GALNT17: variants seen among roughly 807,000 people sequenced by gnomAD.
GALNT17 encodes UDP-GalNAc:polypeptide N-acetylgalactosaminyltransferase-like 3.
GALNT17 carries 29 observed loss-of-function variants against 63.7 expected under a neutral mutation model. That is an observed-to-expected ratio of 0.46 (90% CI 0.34 to 0.62). The LOEUF (loss-of-function observed/expected upper bound fraction) is 0.62. Ranked by LOEUF, GALNT17 falls within the 20% of genes least tolerant of loss-of-function variation. The probability of loss-of-function intolerance (pLI) is 0.01; values close to 1 mark genes in which losing one functional copy is unlikely to be tolerated. For synonymous variants in GALNT17, 305 were observed against 318.3 expected, an observed-to-expected ratio of 0.96 and a Z score of 0.45; for missense variants, 603 against 799.6, an observed-to-expected ratio of 0.75 and a Z score of 2.97.
rs1347542907 is a variant in GALNT17, at chr7:71,495,531, A to C, written c.962+74426A>C. On this transcript the variant is annotated intron_variant, in intron 5 of 10. Coordinates refer to ENST00000333538, the MANE Select transcript of GALNT17 (RefSeq NM_022479.3). ...ATTATTTTTATTTTACAAGTCAGGC[A>C]GAAAGAGGTTAAGATAGCATGCCCA... 2.0e-5 allele frequency among the ~76,000 whole-genome samples: 3 copies of C among 152,292 alleles called. No individual in the cohort carries two copies. The East Asian group carries it at 5.8e-4, about 29-fold the overall frequency.
At chr7:71,322,442 A>G (rs970565004) in intron 1 of GALNT17, among the ~76,000 whole-genome samples, 2 of 152,176 alleles carry the variant, frequency 1.3e-5, no homozygotes, top group African/African-American at 4.8e-5. Context: ...ACAATGATTC[A>G]TATCTCTTGG....
At chr7:71,358,433 C>T (rs1213661243) in intron 2 of GALNT17, among the ~76,000 whole-genome samples, 1 of 152,122 alleles carries the variant, frequency 6.6e-6, no homozygotes. Flanking sequence ...TGTTACAGAA[C>T]CTGATCTTAT....
intron 1 of GALNT17, among the ~76,000 whole-genome samples, chr7:71,152,532 C>G (rs2116219604): frequency 6.6e-6 from 1 of 152,258 alleles, no homozygotes; most frequent in East Asian, 1.9e-4. Context: ...GTGCTCCAGC[C>G]CTTTCTTCAG....
chr7:71,431,822 G>A (rs1038780443), intron 5 of GALNT17, among the ~76,000 whole-genome samples: 5 of 152,050 alleles, frequency 3.3e-5, no homozygotes, highest in Non-Finnish European at 7.4e-5. Context: ...GAGAACTCTC[G>A]AAACTCAGAA....
chr7:71,539,474 T>C (rs950978274), intron 5 of GALNT17, among the ~76,000 whole-genome samples: 2 of 152,158 alleles, frequency 1.3e-5, no homozygotes, highest in African/African-American at 2.4e-5. Context: ...CTGTTGCTTA[T>C]GCCTTTACAA....
At chr7:71,270,749 TGAAGAGTAATTGCCATTTGATACAGAACA>T (rs1790572650) in intron 1 of GALNT17, among the ~76,000 whole-genome samples, 1 of 151,898 alleles carries the variant, frequency 6.6e-6, no homozygotes, top group African/African-American at 2.4e-5. Context: ...AAAAAATAGT[TGAAGAGTAATTGCCATTTGATACAGAACA>T]GAAGAGCTTA....
intron 5 of GALNT17, among the ~76,000 whole-genome samples, chr7:71,429,082 T>C (rs114796673): frequency 0.018 from 2,710 of 152,346 alleles, 32 homozygotes; most frequent in African/African-American, 0.032. Flanking sequence ...TGTCTGTCTA[T>C]TGAAATTTTT....
intron 5 of GALNT17, among the ~76,000 whole-genome samples, chr7:71,560,700 G>A (rs144316650): frequency 5.9e-5 from 9 of 152,274 alleles, no homozygotes; most frequent in African/African-American, 1.9e-4. Flanking sequence ...TCTATAAATC[G>A]CTGGGGGAGG....
chr7:71,186,291 C>G (rs961465209), intron 1 of GALNT17, among the ~76,000 whole-genome samples: 2 of 152,156 alleles, frequency 1.3e-5, no homozygotes, highest in African/African-American at 4.8e-5. Flanking sequence ...AGGGGGAACT[C>G]TTATCTACTT....
intron 3 of GALNT17, among the ~76,000 whole-genome samples, chr7:71,407,102 C>T (rs1418874188): frequency 1.3e-5 from 2 of 152,252 alleles, no homozygotes; most frequent in South Asian, 2.1e-4. Flanking sequence ...AGAGAAAGGC[C>T]GGCATCTGGG....
At chr7:71,644,527 C>CAAA (rs58497593) in intron 6 of GALNT17, among the ~76,000 whole-genome samples, 99 of 23,400 alleles carry the variant, frequency 4.2e-3, no homozygotes, top group African/African-American at 0.012. Flanking sequence ...GACTCCATCT[C>CAAA]AAAAAAAAAA....
intron 6 of GALNT17, among the ~76,000 whole-genome samples, chr7:71,606,759 T>C (rs1790054121): frequency 1.3e-5 from 2 of 152,238 alleles, no homozygotes; most frequent in African/African-American, 2.4e-5. Context: ...ACATATGTGC[T>C]GGCAGGTATT....
intron 1 of GALNT17, among the ~76,000 whole-genome samples, chr7:71,140,859 A>C (rs2116164558): frequency 6.6e-6 from 1 of 152,028 alleles, no homozygotes; most frequent in South Asian, 2.1e-4. Flanking sequence ...TTCTCTCTAC[A>C]AAAAATAAAA....
chr7:71,141,665 T>C (rs1787894113), intron 1 of GALNT17, among the ~76,000 whole-genome samples: 1 of 144,992 alleles, frequency 6.9e-6, no homozygotes. Flanking sequence ...ATGTTTCTTT[T>C]TCTTTCTTTC....
At chr7:71,502,223 C>T (rs1478194949) in intron 5 of GALNT17, among the ~76,000 whole-genome samples, 2 of 152,196 alleles carry the variant, frequency 1.3e-5, no homozygotes, top group African/African-American at 2.4e-5. Flanking sequence ...CCTCACCACC[C>T]ATTGATTTTT....
intron 6 of GALNT17, among the ~76,000 whole-genome samples, chr7:71,608,335 C>A (rs1479340781): frequency 6.6e-6 from 1 of 152,078 alleles, no homozygotes; most frequent in Non-Finnish European, 1.5e-5. Flanking sequence ...CATGCAGTTG[C>A]TGGCTCCATC....
intron 2 of GALNT17, among the ~76,000 whole-genome samples, chr7:71,348,122 G>A (rs756002507): frequency 6.6e-5 from 10 of 152,216 alleles, no homozygotes; most frequent in South Asian, 4.1e-4. Context: ...TTAGCTGAGC[G>A]TGGTGGTGGG....
chr7:71,272,853 T>G (rs552920294), intron 1 of GALNT17, among the ~76,000 whole-genome samples: 1 of 152,302 alleles, frequency 6.6e-6, no homozygotes, highest in East Asian at 1.9e-4. Context: ...ATTTAAGCTC[T>G]ATGTCTGTCT....
At chr7:71,419,198 C>G (rs763217234) in intron 4 of GALNT17, among the ~76,000 whole-genome samples, 2 of 152,210 alleles carry the variant, frequency 1.3e-5, no homozygotes, top group Non-Finnish European at 2.9e-5. Flanking sequence ...TCTGGACTTG[C>G]ATGGGGTTCA....
Sources: allele counts gnomAD v4.1 joint callset (sites outside exome capture counted in the v4.1 genomes callset), GRCh38; gene constraint gnomAD v4.1.1; transcripts MANE v1.5; gene names NCBI Gene and HGNC (gene_info 2026-07-23, HGNC 2026-07-21).